The following NKAIN2 variants were observed in gnomAD, a reference collection of about 807,000 sequenced individuals.
NKAIN2 encodes sodium/potassium transporting ATPase interacting 2.
A neutral mutation model predicts 32.6 loss-of-function variants in NKAIN2; 14 were observed. The observed-to-expected ratio is 0.43, with a 90% CI of 0.28 to 0.67. NKAIN2 has a LOEUF of 0.67. Ranked by LOEUF, NKAIN2 falls within the 30% of genes least tolerant of loss-of-function variation. The pLI is 0.17. For missense variants in NKAIN2, 198 were observed against 258.3 expected (o/e 0.77, Z 1.60); for synonymous variants, 80 against 87.2 (o/e 0.92, Z 0.46).
intron 1 of NKAIN2, among the ~76,000 whole-genome samples, chr6:124,028,746 T>C (rs1052850903): frequency 1.0e-4 from 15 of 147,724 alleles, no homozygotes; most frequent in African/African-American, 3.5e-4. Context: ...CGTATATATG[T>C]GTATATATAC....
chr6:124,270,257 A>G (rs146933890), intron 1 of NKAIN2, among the ~76,000 whole-genome samples: 337 of 152,300 alleles, frequency 2.2e-3, no homozygotes, highest in African/African-American at 7.7e-3. Flanking sequence ...GAGAGGGCAG[A>G]ACTATTGGAG....
chr6:123,821,908 A>G (rs1284874651), intron 1 of NKAIN2, among the ~76,000 whole-genome samples: 1 of 152,150 alleles, frequency 6.6e-6, no homozygotes, highest in Non-Finnish European at 1.5e-5. Flanking sequence ...TCAGAAGTCA[A>G]TTATTATGCA....
At chr6:124,269,296 C>T (rs1016858030) in intron 1 of NKAIN2, among the ~76,000 whole-genome samples, 5 of 152,048 alleles carry the variant, frequency 3.3e-5, no homozygotes, top group Non-Finnish European at 7.4e-5. Flanking sequence ...GAATTCAATA[C>T]TAGGGTTACT....
chr6:123,804,587 C>T (rs1773136306), intron 1 of NKAIN2, among the ~76,000 whole-genome samples: 2 of 152,188 alleles, frequency 1.3e-5, no homozygotes, highest in Admixed American at 1.3e-4. Flanking sequence ...TTGTCACCTA[C>T]AATTTACCGT....
intron 5 of NKAIN2, among the ~76,000 whole-genome samples, chr6:124,807,271 G>GAA (rs1780617615): frequency 6.6e-6 from 1 of 152,252 alleles, no homozygotes; most frequent in Middle Eastern, 3.4e-3. Flanking sequence ...TAAAAGAACA[G>GAA]AAATTATAAC....
At chr6:124,549,354 T>C (rs1165718058) in intron 3 of NKAIN2, among the ~76,000 whole-genome samples, 1 of 152,012 alleles carries the variant, frequency 6.6e-6, no homozygotes, top group Non-Finnish European at 1.5e-5. Context: ...GGTGACAGAG[T>C]GAGACTCCAT....
At chr6:124,359,363 A>G (rs1215680917) in intron 3 of NKAIN2, among the ~76,000 whole-genome samples, 1 of 152,194 alleles carries the variant, frequency 6.6e-6, no homozygotes, top group Non-Finnish European at 1.5e-5. Context: ...TACCTTGGGC[A>G]GTATGGCCAT....
intron 3 of NKAIN2, among the ~76,000 whole-genome samples, chr6:124,526,076 A>T (rs1209021145): frequency 6.6e-6 from 1 of 152,178 alleles, no homozygotes; most frequent in Admixed American, 6.5e-5. Context: ...AGGGCAATGC[A>T]TATGAAGTAG....
rs560810153 is a variant in NKAIN2, at chr6:124,029,583, C to T, written c.54+225329C>T. ...TTAAGTTTATTACTTTTAAGCCTAA[C>T]GAAAACAAAATCAACCTTGGTTTAG... On this transcript the variant is annotated intron_variant, in intron 1 of 6. Transcript: ENST00000368417. Among the ~76,000 whole-genome samples the T allele has an allele frequency of 5.9e-5, 9 of 152,106 alleles. No individual in the cohort carries two copies. The South Asian group carries it at 1.5e-3, about 25-fold the overall frequency.
chr6:124,442,640 G>A lies in NKAIN2; in HGVS notation c.273+87293G>A, dbSNP rs943928876. On this transcript the variant is annotated intron_variant, in intron 3 of 6. Coordinates refer to ENST00000368417, the MANE Select transcript of NKAIN2 (RefSeq NM_001040214.3). ...TTACTGGGTACACCTGAATTATGATGCAGTAGTTCTGATAGACACTAGATT... is the reference window on the plus strand; with the variant it reads ...TTACTGGGTACACCTGAATTATGATACAGTAGTTCTGATAGACACTAGATT... Among the ~76,000 whole-genome samples the A allele has an allele frequency of 3.9e-5, 6 of 152,090 alleles. No homozygotes were observed. The South Asian group carries it at 6.2e-4, about 16-fold the overall frequency.
chr6:124,042,902 A>T (rs1781938673), intron 1 of NKAIN2, among the ~76,000 whole-genome samples: 1 of 152,130 alleles, frequency 6.6e-6, no homozygotes, highest in Non-Finnish European at 1.5e-5. Context: ...TATTAGGATG[A>T]ATGTTAGGAC....
intron 3 of NKAIN2, among the ~76,000 whole-genome samples, chr6:124,519,611 T>G (rs1779048297): frequency 6.6e-6 from 1 of 152,188 alleles, no homozygotes; most frequent in African/African-American, 2.4e-5. Flanking sequence ...CTACAGATTT[T>G]GAAAGCTTAA....
chr6:123,857,051 C>T (rs1027349197), intron 1 of NKAIN2, among the ~76,000 whole-genome samples: 5 of 151,920 alleles, frequency 3.3e-5, no homozygotes, highest in Admixed American at 2.6e-4. Context: ...AAGTATAATA[C>T]TCTTAATCTT....
intron 1 of NKAIN2, among the ~76,000 whole-genome samples, chr6:123,945,175 C>T (rs1220951395): frequency 6.6e-6 from 1 of 152,004 alleles, no homozygotes; most frequent in Non-Finnish European, 1.5e-5. Context: ...TATTTTAAAC[C>T]TAGCACAGGG....
chr6:123,813,484 T>C (rs1773562308), intron 1 of NKAIN2, among the ~76,000 whole-genome samples: 2 of 152,172 alleles, frequency 1.3e-5, no homozygotes, highest in African/African-American at 4.8e-5. Context: ...TTGGGAACTG[T>C]TATAGAATTA....
intron 3 of NKAIN2, among the ~76,000 whole-genome samples, chr6:124,627,611 C>A (rs1044993946): frequency 2.0e-5 from 3 of 152,158 alleles, no homozygotes; most frequent in African/African-American, 7.2e-5. Flanking sequence ...TTCCATCCTT[C>A]ATTTTTCTTT....
intron 4 of NKAIN2, among the ~76,000 whole-genome samples, chr6:124,694,277 C>T (rs1366199820): frequency 6.6e-6 from 1 of 152,168 alleles, no homozygotes; most frequent in African/African-American, 2.4e-5. Flanking sequence ...GTACTTGAGG[C>T]TCACTCAAGC....
intron 3 of NKAIN2, among the ~76,000 whole-genome samples, chr6:124,394,826 A>T (rs765939740): frequency 1.3e-4 from 20 of 152,144 alleles, no homozygotes; most frequent in Non-Finnish European, 2.5e-4. Flanking sequence ...CACCCATAAT[A>T]GTGTTTGACC....
intron 1 of NKAIN2, among the ~76,000 whole-genome samples, chr6:124,211,085 T>C (rs1256209801): frequency 6.6e-6 from 1 of 151,762 alleles, no homozygotes; most frequent in East Asian, 1.9e-4. Flanking sequence ...GAAGGTGACA[T>C]TGGCAAAAAT....
Sources: gnomAD v4.1 joint callset for allele counts (sites outside exome capture counted in the v4.1 genomes callset) on GRCh38, gnomAD v4.1.1 for gene constraint, MANE v1.5 for transcripts, NCBI Gene and HGNC (gene_info 2026-07-23, HGNC 2026-07-21) for gene names.